SCGN: variants seen among roughly 807,000 people sequenced by gnomAD.
The protein encoded by SCGN is secretagogin, EF-hand calcium binding protein.
Under a neutral mutation model 39.7 loss-of-function variants are expected in SCGN, and 30 were observed. The observed-to-expected ratio is 0.76, with a 90% CI of 0.57 to 1.03. The LOEUF (loss-of-function observed/expected upper bound fraction) is 1.03. SCGN is among the 50% of genes least tolerant of loss of function. SCGN has a pLI of 0.00. For missense variants in SCGN, 353 were observed against 349.4 expected (o/e 1.01, Z -0.08); for synonymous variants, 106 against 114.1 (o/e 0.93, Z 0.45).
intron 10 of SCGN, 140 bp from the exon 11 acceptor site, chr6:25,701,067 C>A (rs188864029): frequency 4.8e-6 from 4 of 839,110 alleles, no homozygotes; most frequent in Non-Finnish European, 5.2e-6. Flanking sequence ...TGGGATGAGG[C>A]GATAGACTCA....
intron 10 of SCGN, among the ~76,000 whole-genome samples, chr6:25,699,821 T>G (rs913058304): frequency 6.6e-6 from 1 of 152,162 alleles, no homozygotes; most frequent in African/African-American, 2.4e-5. Flanking sequence ...GATTGGTTAA[T>G]TTAACTGAGT....
chr6:25,652,939 C>CA (rs1167783263), intron 1 of SCGN, among the ~76,000 whole-genome samples: 1 of 151,922 alleles, frequency 6.6e-6, no homozygotes, highest in Non-Finnish European at 1.5e-5. Context: ...ACTCCTCCAC[C>CA]AAAAAACTAC....
chr6:25,667,164 A>G (rs969623008), intron 4 of SCGN, among the ~76,000 whole-genome samples: 4 of 152,188 alleles, frequency 2.6e-5, no homozygotes, highest in South Asian at 2.1e-4. Context: ...AAAAAAAATC[A>G]TGAATATAGA....
At chr6:25,693,247 C>G (rs1017165633) in intron 10 of SCGN, among the ~76,000 whole-genome samples, 2 of 151,782 alleles carry the variant, frequency 1.3e-5, no homozygotes, top group African/African-American at 4.8e-5. Context: ...GTCAGGAGAT[C>G]GAGACCATCC....
chr6:25,665,124 G>A, intron 4 of SCGN, 92 bp downstream of exon 4: 2 of 939,246 alleles, frequency 2.1e-6, no homozygotes, highest in Non-Finnish European at 3.4e-6. Flanking sequence ...CTCCTGCCCA[G>A]TGCTCAAGGG....
intron 7 of SCGN, 29 bp from the exon 8 acceptor site, chr6:25,689,143 T>TA (rs2151382330): frequency 6.8e-7 from 1 of 1,462,386 alleles, no homozygotes; most frequent in Non-Finnish European, 9.2e-7. Context: ...GAACGATCCT[T>TA]ACGTGGATTT....
intron 10 of SCGN, among the ~76,000 whole-genome samples, chr6:25,698,350 A>G (rs1405838488): frequency 6.6e-6 from 1 of 152,246 alleles, no homozygotes; most frequent in Non-Finnish European, 1.5e-5. Flanking sequence ...TTATTCTTCA[A>G]TTAGAAAACA....
rs144360959 is a variant in SCGN at position 25,653,402 on chromosome 6, A to G, written c.103A>G (p.Lys35Glu). 9 of 1,612,060 alleles carry G rather than the reference A, an allele frequency of 5.6e-6. No individual in the cohort carries two copies. The African/African-American group carries it at 1.1e-4, about 19-fold the overall frequency. ...TTTAGAAAAAGGTTACATAGAAGAGAAGGAACTCGATGCTTTCTTTCTCCA... is the reference window on the plus strand; with the variant it reads ...TTTAGAAAAAGGTTACATAGAAGAGGAGGAACTCGATGCTTTCTTTCTCCA... The part of the protein sequence containing the change: ...DADEKGYIEE[K>E]ELDAFFLHML... The change falls in exon 2 of 11, where the codon AAG becomes GAG. Residue 35 changes from lysine (K) to glutamate (E), a missense_variant. Transcript: ENST00000377961.
At chr6:25,657,109 C>T (rs983009757) in intron 2 of SCGN, among the ~76,000 whole-genome samples, 1 of 152,160 alleles carries the variant, frequency 6.6e-6, no homozygotes, top group Non-Finnish European at 1.5e-5. Flanking sequence ...ATCTTTAGTG[C>T]TGAAACTAGA....
At chr6:25,700,030 G>A (rs1759889763) in intron 10 of SCGN, among the ~76,000 whole-genome samples, 1 of 151,964 alleles carries the variant, frequency 6.6e-6, no homozygotes, top group South Asian at 2.1e-4. Flanking sequence ...CGGATCACCA[G>A]GGGTCAGGAG....
chr6:25,699,345 T>C (rs181636698), intron 10 of SCGN, among the ~76,000 whole-genome samples: 30 of 152,138 alleles, frequency 2.0e-4, no homozygotes, highest in Admixed American at 7.9e-4. Flanking sequence ...TCCCAGCACT[T>C]TGGGAGGCCG....
rs1759769097 is a variant in SCGN, at chr6:25,691,129, G to A, written c.702+5G>A. On this transcript the variant is annotated splice_donor_5th_base_variant and intron_variant, in intron 10 of 10. Coordinates refer to ENST00000377961, the MANE Select transcript of SCGN (RefSeq NM_006998.4). ...GACATGATGGAGCTTGTCCAGGTGA[G>A]TGCACGTTCTTCTTATTATGAAGTG... The A allele has an allele frequency of 1.9e-6, 3 of 1,607,946 alleles. No homozygotes were observed. The South Asian group carries it at 3.3e-5, about 18-fold the overall frequency.
intron 10 of SCGN, 36 bp downstream of exon 10, chr6:25,691,160 G>A (rs1355924366): frequency 6.7e-7 from 1 of 1,485,096 alleles, no homozygotes; most frequent in Admixed American, 1.7e-5. Flanking sequence ...AAGTGGGGTT[G>A]TTGTTTTGAT....
At chr6:25,692,049 TC>T (rs984007296) in intron 10 of SCGN, among the ~76,000 whole-genome samples, 1 of 152,214 alleles carries the variant, frequency 6.6e-6, no homozygotes, top group African/African-American at 2.4e-5. Flanking sequence ...CGTCCGTGAT[TC>T]CTTTCTTTTG....
At position 25,694,351 on chromosome 6, in the gene SCGN, A is replaced by AT. The variant is rs1270592363; in HGVS notation, c.702+3233dup. 4.6e-5 allele frequency among the ~76,000 whole-genome samples: 7 copies of AT among 152,294 alleles called. No individual in the cohort carries two copies. In the East Asian group the frequency reaches 1.3e-3, roughly 29 times the overall value. On this transcript the variant is annotated intron_variant, in intron 10 of 10. Transcript: ENST00000377961. ...AAACCAACAACATAGCAGACAAGACATTTTTTCCAGAGAAAATGAAAGAGA... is the reference window on the plus strand; with the variant it reads ...AAACCAACAACATAGCAGACAAGACATTTTTTTCCAGAGAAAATGAAAGAGA...
In SCGN at chr6:25,663,992, T is replaced by A. The variant is rs146853305; in HGVS notation, c.247-951T>A. ...ACTCAGTTATAGAAGAAATGACAAT[T>A]GTTTATGGGAACAGCTCAGAAAGAA... On this transcript the variant is annotated intron_variant, in intron 3 of 10. Coordinates refer to ENST00000377961, the MANE Select transcript of SCGN (RefSeq NM_006998.4). 9.0e-3 allele frequency among the ~76,000 whole-genome samples: 1,368 copies of A among 152,284 alleles called. 16 individuals carry two copies. Among genetic ancestry groups the A allele is most frequent in the African/African-American group, 0.03 (1,235 of 41,552 alleles).
intron 1 of SCGN, 36 bp downstream of exon 1, chr6:25,652,521 G>A: frequency 6.3e-7 from 1 of 1,595,276 alleles, no homozygotes; most frequent in Non-Finnish European, 8.6e-7. Context: ...CTCAGGTGTA[G>A]ACGTGGCTCC....
At chr6:25,688,768 C>T (rs1178600956) in intron 7 of SCGN, among the ~76,000 whole-genome samples, 1 of 140,568 alleles carries the variant, frequency 7.1e-6, no homozygotes, top group Non-Finnish European at 1.5e-5. Context: ...CACCACTGCA[C>T]TCCAGCCTGG....
chr6:25,662,940 C>T (rs1760362117), intron 3 of SCGN, among the ~76,000 whole-genome samples: 1 of 152,186 alleles, frequency 6.6e-6, no homozygotes, highest in Non-Finnish European at 1.5e-5. Context: ...TATTTCTTGA[C>T]CTAATTAACG....
Sources: gnomAD v4.1 joint callset for allele counts (sites outside exome capture counted in the v4.1 genomes callset) on GRCh38, gnomAD v4.1.1 for gene constraint, MANE v1.5 for transcripts, NCBI Gene and HGNC (gene_info 2026-07-23, HGNC 2026-07-21) for gene names.